SPOCK3: variants seen among roughly 807,000 people sequenced by gnomAD.
SPOCK3 encodes testican-3.
In SPOCK3, 30 loss-of-function variants were observed where a neutral mutation model predicts 56.6. That is an observed-to-expected ratio of 0.53 (90% CI 0.40 to 0.72). The LOEUF (loss-of-function observed/expected upper bound fraction) is 0.72. SPOCK3 is among the 30% of genes least tolerant of loss of function. SPOCK3 has a pLI of 0.00. For synonymous variants in SPOCK3, 196 were observed against 183.3 expected (o/e 1.07, Z -0.56); for missense variants, 527 against 530.0 (o/e 0.99, Z 0.06).
At chr4:167,050,925 AT>A (rs1244083439) in intron 3 of SPOCK3, among the ~76,000 whole-genome samples, 1 of 152,120 alleles carries the variant, frequency 6.6e-6, no homozygotes, top group Non-Finnish European at 1.5e-5. Context: ...TGTCTAATGC[AT>A]GTATAGCTTC....
intron 2 of SPOCK3, among the ~76,000 whole-genome samples, chr4:167,126,707 T>A (rs563995643): frequency 1.3e-5 from 2 of 152,284 alleles, no homozygotes; most frequent in South Asian, 2.1e-4. Flanking sequence ...TGCCAGCCTT[T>A]TATCCTTACA....
chr4:167,120,959 T>A (rs2150363766), intron 2 of SPOCK3, among the ~76,000 whole-genome samples: 1 of 152,078 alleles, frequency 6.6e-6, no homozygotes, highest in Non-Finnish European at 1.5e-5. Context: ...ACCAAATGTC[T>A]ATTTTTTCAA....
intron 7 of SPOCK3, among the ~76,000 whole-genome samples, chr4:166,770,002 A>T (rs574732521): frequency 6.6e-6 from 1 of 152,206 alleles, no homozygotes; most frequent in African/African-American, 2.4e-5. Flanking sequence ...ACGGGATATA[A>T]TCTCCTGGTG....
At chr4:166,741,704 T>C (rs1440871576) in intron 9 of SPOCK3, among the ~76,000 whole-genome samples, 3 of 152,192 alleles carry the variant, frequency 2.0e-5, no homozygotes, top group African/African-American at 7.2e-5. Context: ...CTTCACCATA[T>C]AATTTGAACT....
intron 3 of SPOCK3, among the ~76,000 whole-genome samples, chr4:167,046,264 A>G (rs1753703903): frequency 6.7e-6 from 1 of 148,806 alleles, no homozygotes; most frequent in Non-Finnish European, 1.5e-5. Flanking sequence ...TTTTTGCTTT[A>G]TTTTCTGCAG....
intron 6 of SPOCK3, among the ~76,000 whole-genome samples, chr4:166,855,304 T>A (rs1041030867): frequency 1.1e-4 from 17 of 151,550 alleles, no homozygotes; most frequent in Non-Finnish European, 1.6e-4. Flanking sequence ...TAAAAAAAAA[T>A]GCAGCTTAAG....
At chr4:166,791,253 G>GA (rs1197349060) in intron 7 of SPOCK3, among the ~76,000 whole-genome samples, 4 of 152,022 alleles carry the variant, frequency 2.6e-5, no homozygotes, top group Non-Finnish European at 4.4e-5. Context: ...TCCTTAATGT[G>GA]AAAAAAATAA....
chr4:166,801,424 A>C (rs1167610302), intron 6 of SPOCK3, among the ~76,000 whole-genome samples: 1 of 152,096 alleles, frequency 6.6e-6, no homozygotes. Context: ...ATTCCATTAT[A>C]TGAATATATC....
chr4:167,028,673 G>A (rs1751957385), intron 3 of SPOCK3, among the ~76,000 whole-genome samples: 1 of 151,896 alleles, frequency 6.6e-6, no homozygotes, highest in Admixed American at 6.6e-5. Context: ...TTGCTTCCAA[G>A]GAGATTGAAA....
intron 8 of SPOCK3, among the ~76,000 whole-genome samples, chr4:166,745,995 T>C (rs907304306): frequency 4.6e-5 from 7 of 152,126 alleles, no homozygotes; most frequent in Admixed American, 2.0e-4. Flanking sequence ...AGCAAGTCCT[T>C]AGAGACCTAC....
chr4:166,782,354 G>A (rs1386583722), intron 7 of SPOCK3, among the ~76,000 whole-genome samples: 1 of 152,072 alleles, frequency 6.6e-6, no homozygotes, highest in Non-Finnish European at 1.5e-5. Context: ...GAACTGAACA[G>A]AGAAATAGAC....
intron 7 of SPOCK3, among the ~76,000 whole-genome samples, chr4:166,784,082 G>A (rs899569898): frequency 2.6e-5 from 4 of 151,816 alleles, no homozygotes; most frequent in African/African-American, 9.7e-5. Context: ...TTACATTATT[G>A]AAAACAGAAT....
At chr4:166,890,614 T>C (rs1008264466) in intron 5 of SPOCK3, among the ~76,000 whole-genome samples, 13 of 152,130 alleles carry the variant, frequency 8.5e-5, no homozygotes, top group African/African-American at 2.4e-4. Flanking sequence ...GTATTTTTCA[T>C]TTATTTCTAG....
intron 4 of SPOCK3, among the ~76,000 whole-genome samples, chr4:166,990,491 T>C (rs1006269223): frequency 6.6e-6 from 1 of 152,114 alleles, no homozygotes; most frequent in Admixed American, 6.6e-5. Flanking sequence ...TTATTCAGGC[T>C]GAAATATAGC....
At chr4:166,747,545 A>C (rs1205451780) in intron 8 of SPOCK3, among the ~76,000 whole-genome samples, 1 of 152,122 alleles carries the variant, frequency 6.6e-6, no homozygotes, top group Admixed American at 6.5e-5. Context: ...ATGGCCAAAA[A>C]CTGGAAGCAT....
intron 2 of SPOCK3, among the ~76,000 whole-genome samples, chr4:167,077,897 A>G (rs1757343125): frequency 6.6e-6 from 1 of 151,928 alleles, no homozygotes; most frequent in Admixed American, 6.6e-5. Context: ...GGCAACATGG[A>G]GAGGAAACGT....
intron 4 of SPOCK3, among the ~76,000 whole-genome samples, chr4:166,951,922 G>C (rs1356949376): frequency 1.3e-5 from 2 of 152,146 alleles, no homozygotes; most frequent in Non-Finnish European, 2.9e-5. Flanking sequence ...AGGTATTGAT[G>C]GGACATATCT....
chr4:166,945,176 A>G (rs1475365567), intron 4 of SPOCK3, among the ~76,000 whole-genome samples: 1 of 152,016 alleles, frequency 6.6e-6, no homozygotes, highest in African/African-American at 2.4e-5. Context: ...TTGGTGGAGG[A>G]TGATATTTAG....
intron 2 of SPOCK3, among the ~76,000 whole-genome samples, chr4:167,186,254 T>G (rs1731944546): frequency 6.6e-6 from 1 of 152,268 alleles, no homozygotes; most frequent in Admixed American, 6.5e-5. Context: ...GAGAAAAATC[T>G]AAAAAAATTA....
Sources: gnomAD v4.1 joint callset for allele counts (sites outside exome capture counted in the v4.1 genomes callset) on GRCh38, gnomAD v4.1.1 for gene constraint, MANE v1.5 for transcripts, NCBI Gene and HGNC (gene_info 2026-07-23, HGNC 2026-07-21) for gene names.